Variants in NELL2 observed in about 807,000 individuals in gnomAD.
NELL2 encodes the protein protein kinase C-binding protein NELL2.
In NELL2, 41 loss-of-function variants were observed where a neutral mutation model predicts 109.6. The ratio of observed to expected loss-of-function variants is 0.37; its 90% CI spans 0.29 to 0.49. NELL2 has a LOEUF of 0.49. Among genes scored for constraint, NELL2 ranks in the 20% least tolerant of loss-of-function variants. The probability of loss-of-function intolerance (pLI) is 0.98; values close to 1 mark genes in which losing one functional copy is unlikely to be tolerated. For synonymous variants in NELL2, 355 were observed against 344.7 expected, an observed-to-expected ratio of 1.03 and a Z score of -0.33; for missense variants, 900 against 1,008.3, an observed-to-expected ratio of 0.89 and a Z score of 1.45.
intron 15 of NELL2, among the ~76,000 whole-genome samples, chr12:44,593,093 A>G (rs1944818571): frequency 6.6e-6 from 1 of 152,184 alleles, no homozygotes; most frequent in Admixed American, 6.5e-5. Context: ...AAAAGCATTC[A>G]TGATCTATAT....
chr12:44,806,587 G>A (rs949437500), intron 3 of NELL2, among the ~76,000 whole-genome samples: 1 of 151,720 alleles, frequency 6.6e-6, no homozygotes, highest in Non-Finnish European at 1.5e-5. Context: ...AGTGCATATA[G>A]AAAATAGCCA....
chr12:44,782,007 G>A (rs983129196), intron 3 of NELL2, among the ~76,000 whole-genome samples: 5 of 151,956 alleles, frequency 3.3e-5, no homozygotes, highest in Non-Finnish European at 7.4e-5. Context: ...AATACAATAA[G>A]CTTTCCTTCT....
intron 9 of NELL2, among the ~76,000 whole-genome samples, chr12:44,740,815 T>C (rs1425400230): frequency 1.3e-5 from 2 of 152,136 alleles, no homozygotes; most frequent in African/African-American, 4.8e-5. Flanking sequence ...CAGGGTAGGC[T>C]ACAAAATGGA....
chr12:44,844,199 G>A (rs75829366), intron 2 of NELL2, among the ~76,000 whole-genome samples: 3,061 of 152,258 alleles, frequency 0.02, 44 homozygotes, highest in Non-Finnish European at 0.03. Flanking sequence ...AAACATCTCT[G>A]AAAGATTCCA....
At chr12:44,866,591 A>G (rs554003574) in intron 2 of NELL2, among the ~76,000 whole-genome samples, 1 of 152,258 alleles carries the variant, frequency 6.6e-6, no homozygotes, top group South Asian at 2.1e-4. Context: ...AAAACAAAAT[A>G]AGACCAAAGT....
chr12:44,519,858 C>T (rs903499232), intron 19 of NELL2, 147 bp downstream of exon 19: 15 of 702,054 alleles, frequency 2.1e-5, no homozygotes, highest in Admixed American at 5.3e-5. Flanking sequence ...GAACTAACAG[C>T]TGAGTGGCAT....
chr12:44,662,353 T>A (rs1947775659), intron 13 of NELL2, among the ~76,000 whole-genome samples: 2 of 152,172 alleles, frequency 1.3e-5, no homozygotes, highest in Admixed American at 1.3e-4. Context: ...AAAATATGAA[T>A]CATTTCCCTT....
chr12:44,587,729 A>G (rs1944578803), intron 15 of NELL2, among the ~76,000 whole-genome samples: 1 of 152,192 alleles, frequency 6.6e-6, no homozygotes, highest in African/African-American at 2.4e-5. Context: ...GTTAGAAGAA[A>G]TCTCAGGGAA....
chr12:44,614,654 C>T (rs190215636), intron 13 of NELL2, among the ~76,000 whole-genome samples: 10 of 152,112 alleles, frequency 6.6e-5, no homozygotes, highest in Admixed American at 5.9e-4. Flanking sequence ...CCTGGGTATG[C>T]TAATGTATCT....
Position 44,739,036 on chromosome 12 carries a change from TCACACACATCCATA to T in NELL2, c.995-24309_995-24296del, listed in dbSNP as rs370009664. ...CTAGAATGATTTCCTCCACCACCAT[TCACACACATCCATA>T]CACACACATACATATTTTCCATATT... On this transcript the variant is annotated intron_variant, in intron 9 of 19. Coordinates refer to ENST00000429094, the MANE Select transcript of NELL2 (RefSeq NM_001145108.2). Among the ~76,000 whole-genome samples, 277 of 152,324 alleles carry T rather than the reference TCACACACATCCATA, an allele frequency of 1.8e-3. 2 individuals are homozygous for T. The highest frequency in any genetic ancestry group is 5.7e-3 in the African/African-American group (235 of 41,578).
At chr12:44,605,730 C>T (rs1327814973) in intron 15 of NELL2, among the ~76,000 whole-genome samples, 3 of 152,002 alleles carry the variant, frequency 2.0e-5, no homozygotes, top group Non-Finnish European at 4.4e-5. Flanking sequence ...TTGAAATGTC[C>T]TGAAAAAGCC....
intron 13 of NELL2, among the ~76,000 whole-genome samples, chr12:44,622,440 C>T (rs916530889): frequency 1.3e-5 from 2 of 152,068 alleles, no homozygotes; most frequent in African/African-American, 4.8e-5. Context: ...TTCCACCTAA[C>T]CCCATATGAT....
At chr12:44,671,764 C>G (rs767038049) in intron 12 of NELL2, among the ~76,000 whole-genome samples, 4 of 152,068 alleles carry the variant, frequency 2.6e-5, no homozygotes, top group African/African-American at 9.7e-5. Context: ...AAGACTGGAT[C>G]GGGAATAAAA....
intron 2 of NELL2, among the ~76,000 whole-genome samples, chr12:44,819,891 G>A (rs1288042801): frequency 6.6e-6 from 1 of 152,136 alleles, no homozygotes; most frequent in South Asian, 2.1e-4. Context: ...TTGCACAAAT[G>A]TTTAAAAATG....
At chr12:44,732,116 G>A (rs1464417646) in intron 9 of NELL2, among the ~76,000 whole-genome samples, 1 of 151,904 alleles carries the variant, frequency 6.6e-6, no homozygotes, top group African/African-American at 2.4e-5. Context: ...TTACAGGTTG[G>A]AAGACATTGT....
intron 2 of NELL2, among the ~76,000 whole-genome samples, chr12:44,867,147 T>G (rs1945024495): frequency 6.6e-6 from 1 of 152,140 alleles, no homozygotes; most frequent in South Asian, 2.1e-4. Context: ...AGGCCAGCAT[T>G]ACTATGACAC....
intron 10 of NELL2, among the ~76,000 whole-genome samples, chr12:44,714,107 G>A (rs980368018): frequency 1.3e-5 from 2 of 151,816 alleles, no homozygotes; most frequent in Non-Finnish European, 2.9e-5. Context: ...TTAGTAGGTC[G>A]AGGGGCAAAA....
chr12:44,594,343 T>C (rs1420265453), intron 15 of NELL2, among the ~76,000 whole-genome samples: 2 of 151,864 alleles, frequency 1.3e-5, no homozygotes, highest in African/African-American at 2.4e-5. Flanking sequence ...ATTACAAATG[T>C]AGAATAAAAA....
chr12:44,618,373 T>C (rs1204218560), intron 13 of NELL2, among the ~76,000 whole-genome samples: 1 of 152,160 alleles, frequency 6.6e-6, no homozygotes, highest in African/African-American at 2.4e-5. Flanking sequence ...TCTAGTCTTT[T>C]CACTGGTGTG....
Sources: gnomAD v4.1 joint callset for allele counts (sites outside exome capture counted in the v4.1 genomes callset) on GRCh38, gnomAD v4.1.1 for gene constraint, MANE v1.5 for transcripts, NCBI Gene and HGNC (gene_info 2026-07-23, HGNC 2026-07-21) for gene names.